Variants in ARNT2 observed in about 807,000 individuals in gnomAD.
ARNT2 encodes ARNT protein 2.
A neutral mutation model predicts 91.7 loss-of-function variants in ARNT2; 36 were observed. The observed-to-expected ratio is 0.39, with a 90% confidence interval of 0.30 to 0.52. The LOEUF (loss-of-function observed/expected upper bound fraction) is 0.52. ARNT2 is among the 20% of genes least tolerant of loss of function. The pLI, the probability that ARNT2 is intolerant of heterozygous loss-of-function variation, is 0.72. For missense variants in ARNT2, 775 were observed against 939.3 expected, an observed-to-expected ratio of 0.83 and a Z score of 2.29; for synonymous variants, 365 against 347.1, an observed-to-expected ratio of 1.05 and a Z score of -0.57.
intron 12 of ARNT2, among the ~76,000 whole-genome samples, chr15:80,571,357 A>G (rs1349668195): frequency 6.6e-6 from 1 of 152,196 alleles, no homozygotes; most frequent in Non-Finnish European, 1.5e-5. Flanking sequence ...GAGAGTTGGT[A>G]AATAGCAATG....
At position 80,555,084 on chromosome 15, in the gene ARNT2, T is replaced by C. The variant is rs570778313; in HGVS notation, c.1109T>C (p.Ile370Thr). 1 of 1,614,206 alleles carries C rather than the reference T, an allele frequency of 6.2e-7. No homozygotes were observed. Among genetic ancestry groups the C allele is most frequent in the South Asian group, 1.1e-5 (1 of 91,088 alleles). ...ATTTAGGATCTTCTGGGAAAGGACATTTTGGAATTCTGCCACCCTGAGGAT... is the reference window on the plus strand; with the variant it reads ...ATTTAGGATCTTCTGGGAAAGGACACTTTGGAATTCTGCCACCCTGAGGAT... ...YQPQDLLGKD[I>T]LEFCHPEDQS... Residue 370 changes from isoleucine (I) to threonine (T), a missense_variant, in exon 11 of 19, where the codon ATT becomes ACT. Physicochemically the swap from Ile to Thr is moderately conservative, Grantham distance 89. Around this residue, in one of 5 missense-constraint regions of ARNT2, gnomAD observed 285 missense variants for 327.2 expected, o/e 0.87. Coordinates refer to ENST00000303329, the MANE Select transcript of ARNT2 (RefSeq NM_014862.4).
intron 8 of ARNT2, among the ~76,000 whole-genome samples, chr15:80,530,632 T>C (rs1897724323): frequency 6.6e-6 from 1 of 152,318 alleles, no homozygotes; most frequent in East Asian, 1.9e-4. Context: ...CTTGAGTCAT[T>C]TTTGTTGTAA....
At chr15:80,513,556 C>G (rs1258794553) in intron 6 of ARNT2, among the ~76,000 whole-genome samples, 3 of 152,126 alleles carry the variant, frequency 2.0e-5, no homozygotes, top group Admixed American at 1.3e-4. Context: ...TCACCCTCTT[C>G]CCTTCTTTCC....
intron 5 of ARNT2, among the ~76,000 whole-genome samples, chr15:80,503,029 G>A (rs1387361928): frequency 5.9e-5 from 9 of 152,220 alleles, no homozygotes; most frequent in Admixed American, 3.9e-4. Context: ...TGGATGGATT[G>A]TGCCTCTAGG....
At chr15:80,512,064 G>C (rs960887035) in intron 6 of ARNT2, among the ~76,000 whole-genome samples, 2 of 152,158 alleles carry the variant, frequency 1.3e-5, no homozygotes, top group Non-Finnish European at 2.9e-5. Flanking sequence ...TGGGGCGTCC[G>C]TTGCGTACTA....
intron 14 of ARNT2, among the ~76,000 whole-genome samples, chr15:80,576,379 C>T (rs1462809024): frequency 6.6e-6 from 1 of 152,076 alleles, no homozygotes; most frequent in East Asian, 1.9e-4. Flanking sequence ...TGGGCTCAAG[C>T]GATTCTCCTG....
chr15:80,455,089 G>A (rs933561731), intron 2 of ARNT2, among the ~76,000 whole-genome samples: 1 of 152,116 alleles, frequency 6.6e-6, no homozygotes, highest in African/African-American at 2.4e-5. Context: ...TTATAGAAAA[G>A]AAATAGGCAC....
chr15:80,454,885 G>A (rs1166375312), intron 2 of ARNT2, among the ~76,000 whole-genome samples: 1 of 152,152 alleles, frequency 6.6e-6, no homozygotes, highest in Non-Finnish European at 1.5e-5. Flanking sequence ...CAGGCTCATC[G>A]ACGGAAAAGT....
chr15:80,561,197 G>C (rs1167337785), intron 11 of ARNT2, among the ~76,000 whole-genome samples: 2 of 152,056 alleles, frequency 1.3e-5, no homozygotes, highest in African/African-American at 4.8e-5. Flanking sequence ...GTGAGGAATG[G>C]GTGAGTCAGA....
At chr15:80,468,733 G>T (rs1265522779) in intron 3 of ARNT2, among the ~76,000 whole-genome samples, 2 of 152,200 alleles carry the variant, frequency 1.3e-5, no homozygotes, top group African/African-American at 4.8e-5. Context: ...ACTATGCAAG[G>T]TGTATGTTTT....
At chr15:80,442,901 A>G in intron 1 of ARNT2, 1 of 985,406 alleles carries the variant, frequency 1.0e-6, no homozygotes, top group East Asian at 1.1e-4. Context: ...ACGCCGACAC[A>G]CTATTTTGAG....
intron 8 of ARNT2, among the ~76,000 whole-genome samples, chr15:80,538,848 T>G (rs1897862202): frequency 6.6e-6 from 1 of 152,062 alleles, no homozygotes; most frequent in Non-Finnish European, 1.5e-5. Flanking sequence ...CTATTGTAAT[T>G]TTAAAAAGAA....
intron 1 of ARNT2, among the ~76,000 whole-genome samples, chr15:80,439,314 C>T (rs1407757381): frequency 3.3e-5 from 5 of 152,100 alleles, no homozygotes; most frequent in Admixed American, 3.3e-4. Flanking sequence ...ACCTGAGTAT[C>T]GTAAGGCCAT....
chr15:80,576,502 C>A (rs1176116881), intron 14 of ARNT2, among the ~76,000 whole-genome samples: 2 of 152,190 alleles, frequency 1.3e-5, no homozygotes, highest in Non-Finnish European at 2.9e-5. Context: ...GTTTTGAACT[C>A]CTGACCTCAA....
chr15:80,559,877 G>A (rs550314663), intron 11 of ARNT2, among the ~76,000 whole-genome samples: 4 of 152,326 alleles, frequency 2.6e-5, no homozygotes, highest in South Asian at 4.1e-4. Flanking sequence ...TTGCACCTGG[G>A]TTAAGCACAG....
intron 12 of ARNT2, among the ~76,000 whole-genome samples, chr15:80,572,324 T>C (rs1898598750): frequency 6.6e-6 from 1 of 152,116 alleles, no homozygotes; most frequent in South Asian, 2.1e-4. Context: ...CTTTTGCTGA[T>C]AGTTACAATT....
chr15:80,405,393 G>A (rs925031253), intron 1 of ARNT2, among the ~76,000 whole-genome samples: 3 of 152,100 alleles, frequency 2.0e-5, no homozygotes, highest in African/African-American at 4.8e-5. Context: ...CTGTGGGCAC[G>A]GCAGGTTGCT....
chr15:80,555,013 C>T (rs1898152846), intron 10 of ARNT2, 52 bp from the exon 11 acceptor site: 3 of 1,544,940 alleles, frequency 1.9e-6, no homozygotes, highest in Non-Finnish European at 2.7e-6. Context: ...AGTGAGTATA[C>T]AAATAATTAC....
chr15:80,591,868 C>A lies in ARNT2; in HGVS notation c.2055+164C>A. Reference sequence around the variant, plus strand: ...GAGTAGAAAGCCCCATCCTACCCAGCCAGAAACGTCAGGTGCATGTGGGAA... The same window carrying A: ...GAGTAGAAAGCCCCATCCTACCCAGACAGAAACGTCAGGTGCATGTGGGAA... On this transcript the variant is annotated intron_variant, in intron 18 of 18. Coordinates refer to ENST00000303329, the MANE Select transcript of ARNT2 (RefSeq NM_014862.4). This position sits in a 1 kb window ranked among gnomAD's most constrained non-coding sequence, Gnocchi z 5.1. 1.4e-6 allele frequency: 1 copy of A among 699,394 alleles called. No homozygotes were observed. The highest frequency in any genetic ancestry group is 1.8e-6 in the Non-Finnish European group (1 of 568,800). 43.3% of individuals were successfully genotyped at this position (699,394 alleles called of 1,614,324 possible).
Sources: allele counts gnomAD v4.1 joint callset (sites outside exome capture counted in the v4.1 genomes callset), GRCh38; gene constraint gnomAD v4.1.1; regional missense constraint gnomAD v4.1.1; non-coding constraint Gnocchi (gnomAD v3.1); transcripts MANE v1.5; gene names NCBI Gene and HGNC (gene_info 2026-07-23, HGNC 2026-07-21).